SGO2: variants seen among roughly 807,000 people sequenced by gnomAD.
SGO2 encodes shugoshin-like 2.
Under a neutral mutation model 99.5 loss-of-function variants are expected in SGO2, and 68 were observed. That is an observed-to-expected ratio of 0.68 (90% CI 0.56 to 0.84). The LOEUF (loss-of-function observed/expected upper bound fraction) is 0.84. Ranked by LOEUF, SGO2 falls within the 40% of genes least tolerant of loss-of-function variation. SGO2 has a pLI of 0.00. For missense variants in SGO2, 1,350 were observed against 1,436.7 expected (o/e 0.94, Z 0.97); for synonymous variants, 457 against 487.1 (o/e 0.94, Z 0.81).
chr2:200,551,270 A>G (rs2032474099), intron 5 of SGO2, among the ~76,000 whole-genome samples: 1 of 152,222 alleles, frequency 6.6e-6, no homozygotes, highest in African/African-American at 2.4e-5. Context: ...TATGGAAGAT[A>G]TATACACAAT....
At chr2:200,532,287 T>TTG (rs1559196954) in intron 1 of SGO2, 2 of 504,708 alleles carry the variant, frequency 4.0e-6, no homozygotes, top group African/African-American at 4.6e-5. Context: ...TTTTTTTGTT[T>TTG]TTTTTTTTTT....
At chr2:200,544,058 T>C (rs2032091079) in intron 5 of SGO2, among the ~76,000 whole-genome samples, 1 of 152,226 alleles carries the variant, frequency 6.6e-6, no homozygotes, top group African/African-American at 2.4e-5. Context: ...CTTCTAATTA[T>C]AGATCAATTA....
At chr2:200,561,557 C>T (rs896889152) in intron 5 of SGO2, among the ~76,000 whole-genome samples, 4 of 152,126 alleles carry the variant, frequency 2.6e-5, no homozygotes, top group Non-Finnish European at 4.4e-5. Context: ...GATTTATAAT[C>T]CTTTGGGTAT....
chr2:200,572,304 A>G lies in SGO2; in HGVS notation c.1958A>G (p.Asp653Gly). Residue 653 changes from aspartate to glycine, a missense_variant, in exon 7 of 9, where the codon GAT becomes GGT. By Grantham distance (94) the Asp-to-Gly change is moderately conservative. Transcript: ENST00000357799. ...KGNFFFKTQE[D>G]KEPISENIEV... is the part of the protein sequence containing the mutation. ...AATTTTTTTTTCAAAACCCAAGAGG[A>G]TAAAGAACCTATCTCTGAAAACATA... 1 of 1,609,976 alleles carries G rather than the reference A, an allele frequency of 6.2e-7. No homozygotes were observed. The highest frequency in any genetic ancestry group is 8.5e-7 in the Non-Finnish European group (1 of 1,178,830).
chr2:200,549,551 C>T (rs1351628268), intron 5 of SGO2, among the ~76,000 whole-genome samples: 2 of 152,156 alleles, frequency 1.3e-5, no homozygotes, highest in African/African-American at 2.4e-5. Context: ...AAAGAACATT[C>T]ACCATGATCA....
At chr2:200,575,181 T>C (rs2033607950) in intron 7 of SGO2, 130 bp from the exon 8 acceptor site, 1 of 480,504 alleles carries the variant, frequency 2.1e-6, no homozygotes, top group Admixed American at 4.0e-5. Flanking sequence ...AATGTTAGTC[T>C]CTTTCCTCTC....
intron 5 of SGO2, among the ~76,000 whole-genome samples, chr2:200,565,146 C>A (rs1431940045): frequency 6.6e-6 from 1 of 152,192 alleles, no homozygotes; most frequent in Non-Finnish European, 1.5e-5. Flanking sequence ...GATGCAGTTT[C>A]TTCCTAGCAT....
Position 200,572,727 on chromosome 2 carries a change from T to C in SGO2, c.2381T>C (p.Met794Thr), listed in dbSNP as rs375162005. Residue 794 changes from methionine (M) to threonine (T), a missense_variant, in exon 7 of 9, where the codon ATG (methionine) becomes ACG (threonine). Coordinates refer to ENST00000357799, the MANE Select transcript of SGO2 (RefSeq NM_152524.6). ...NVLGVKHGHD[M>T]QPACQNDSKI... Reference sequence around the variant, plus strand: ...TTGGGGGTGAAACATGGCCATGATATGCAACCTGCTTGTCAAAATGATTCA... The same window carrying C: ...TTGGGGGTGAAACATGGCCATGATACGCAACCTGCTTGTCAAAATGATTCA... 33 of 1,613,106 alleles carry C rather than the reference T, an allele frequency of 2.0e-5. No homozygotes were observed. In the African/African-American group the frequency reaches 4.1e-4, roughly 20 times the overall value.
chr2:200,549,988 C>T (rs1425358282), intron 5 of SGO2, among the ~76,000 whole-genome samples: 1 of 152,180 alleles, frequency 6.6e-6, no homozygotes, highest in Non-Finnish European at 1.5e-5. Context: ...GCTGTTAGGA[C>T]ACATAAGGGA....
At chr2:200,535,314 A>G in intron 3 of SGO2, 143 bp downstream of exon 3, 1 of 658,636 alleles carries the variant, frequency 1.5e-6, no homozygotes, top group Non-Finnish European at 2.4e-6. Context: ...TCTATGTCAA[A>G]GTACAAACTG....
intron 5 of SGO2, among the ~76,000 whole-genome samples, chr2:200,567,359 A>C (rs1173877592): frequency 1.3e-5 from 2 of 151,742 alleles, no homozygotes; most frequent in Admixed American, 6.6e-5. Flanking sequence ...CATTGATTTT[A>C]TTTTTCTCAA....
chr2:200,544,931 A>T (rs1357768800), intron 5 of SGO2, among the ~76,000 whole-genome samples: 2 of 152,112 alleles, frequency 1.3e-5, no homozygotes, highest in Non-Finnish European at 2.9e-5. Context: ...TTTCCTGATA[A>T]TTAAGAAGTT....
chr2:200,575,926 T>G (rs2033640221), intron 8 of SGO2, among the ~76,000 whole-genome samples: 1 of 152,214 alleles, frequency 6.6e-6, no homozygotes, highest in African/African-American at 2.4e-5. Context: ...CTCCTCCAAT[T>G]TATCCATTCC....
chr2:200,568,122 T>C lies in SGO2; in HGVS notation c.474-1541T>C, dbSNP rs77570077. 3.1e-3 allele frequency among the ~76,000 whole-genome samples: 466 copies of C among 152,328 alleles called. 5 individuals are homozygous for C. Among genetic ancestry groups the C allele is most frequent in the African/African-American group, 0.011 (448 of 41,580 alleles). On this transcript the variant is annotated intron_variant, in intron 5 of 8. Coordinates refer to ENST00000357799, the MANE Select transcript of SGO2 (RefSeq NM_152524.6). ...TTCTCCATCTCCTCACCAACACTTG[T>C]TAATAATTATCTATTCTTGTGAGTA...
intron 8 of SGO2, among the ~76,000 whole-genome samples, chr2:200,579,928 G>C (rs999300566): frequency 4.6e-5 from 7 of 151,968 alleles, no homozygotes; most frequent in African/African-American, 1.5e-4. Flanking sequence ...ATAATTTATA[G>C]TGCATTATAA....
chr2:200,560,328 C>T (rs2032889938), intron 5 of SGO2, among the ~76,000 whole-genome samples: 1 of 151,564 alleles, frequency 6.6e-6, no homozygotes, highest in Non-Finnish European at 1.5e-5. Flanking sequence ...TTTTCTATAC[C>T]CTTACTTTCA....
rs374813022 is a variant in SGO2 at position 200,566,580 on chromosome 2, G to C, written c.474-3083G>C. ...ATCTCAAACCCTGGGCTGGGGGAAC[G>C]ACTATTCTCTTCAAAGCTGTCAGAC... On this transcript the variant is annotated intron_variant, in intron 5 of 8. Coordinates refer to ENST00000357799, the MANE Select transcript of SGO2 (RefSeq NM_152524.6). Among the ~76,000 whole-genome samples the C allele has an allele frequency of 1.5e-3, 232 of 152,298 alleles. 1 individual carries two copies. Among genetic ancestry groups the C allele is most frequent in the African/African-American group, 5.2e-3 (218 of 41,568 alleles).
Position 200,573,993 on chromosome 2 carries a change from T to C in SGO2, c.3631+16T>C. ...TCAGGAATAGGTAGGTTAATAACCA[T>C]TATGAAATGATAAAGTTTTAGAAGT... On this transcript the variant is annotated intron_variant, in intron 7 of 8. Transcript: ENST00000357799. 1 of 1,514,448 alleles carries C rather than the reference T, an allele frequency of 6.6e-7. No individual in the cohort carries two copies. Among genetic ancestry groups the C allele is most frequent in the Non-Finnish European group, 8.8e-7 (1 of 1,137,628 alleles). 93.8% of individuals were successfully genotyped at this position (1,514,448 alleles called of 1,614,324 possible).
At chr2:200,537,479 ATG>A (rs1390627496) in intron 4 of SGO2, among the ~76,000 whole-genome samples, 1 of 152,094 alleles carries the variant, frequency 6.6e-6, no homozygotes, top group Non-Finnish European at 1.5e-5. Context: ...ATTGATGTCC[ATG>A]TTGCGAAAAC....
Sources: gnomAD v4.1 joint callset for allele counts (sites outside exome capture counted in the v4.1 genomes callset) on GRCh38, gnomAD v4.1.1 for gene constraint, MANE v1.5 for transcripts, NCBI Gene and HGNC (gene_info 2026-07-23, HGNC 2026-07-21) for gene names.